Variants in FZD3 observed in about 807,000 individuals in gnomAD.
The protein encoded by FZD3 is frizzled class receptor 3.
FZD3 carries 30 observed loss-of-function variants against 60.7 expected under a neutral mutation model. The observed-to-expected ratio is 0.49, with a 90% CI of 0.37 to 0.67. FZD3 has a LOEUF of 0.67. Ranked by LOEUF, FZD3 falls within the 30% of genes least tolerant of loss-of-function variation. The pLI, the probability that FZD3 is intolerant of heterozygous loss-of-function variation, is 0.00. For synonymous variants in FZD3, 246 were observed against 275.2 expected, an observed-to-expected ratio of 0.89 and a Z score of 1.05; for missense variants, 605 against 838.7, an observed-to-expected ratio of 0.72 and a Z score of 3.44.
At chr8:28,516,817 G>C (rs879630388) in intron 3 of FZD3, among the ~76,000 whole-genome samples, 1 of 151,212 alleles carries the variant, frequency 6.6e-6, no homozygotes, top group Non-Finnish European at 1.5e-5. Flanking sequence ...TTTCCTCTCT[G>C]TTACTTTGTT....
chr8:28,568,352 C>A lies in FZD3; in HGVS notation c.*5341C>A, dbSNP rs968817761. On this transcript the variant is annotated 3_prime_UTR_variant, in exon 8 of 8. Coordinates refer to ENST00000240093, the MANE Select transcript of FZD3 (RefSeq NM_017412.4). ...ATTGGCATCTCTTCATAATTTAATTCTCTTCTCTCCTTCTTTTGTTCCGAT... is the reference window on the plus strand; with the variant it reads ...ATTGGCATCTCTTCATAATTTAATTATCTTCTCTCCTTCTTTTGTTCCGAT... 6.6e-6 allele frequency: 1 copy of A among 152,056 alleles called. No individual in the cohort carries two copies. Among genetic ancestry groups the A allele is most frequent in the Non-Finnish European group, 1.5e-5 (1 of 67,976 alleles). 9.4% of individuals were successfully genotyped at this position (152,056 alleles called of 1,614,324 possible).
intron 5 of FZD3, chr8:28,530,655 T>A (rs2130386487): frequency 6.6e-6 from 1 of 152,258 alleles, no homozygotes; most frequent in South Asian, 2.1e-4. Flanking sequence ...TTTAAAGAAG[T>A]CATAGATTTA....
At chr8:28,509,844 T>G (rs1288667444) in intron 3 of FZD3, among the ~76,000 whole-genome samples, 1 of 152,246 alleles carries the variant, frequency 6.6e-6, no homozygotes, top group African/African-American at 2.4e-5. Flanking sequence ...TATCCATCAG[T>G]GGACACTTGG....
At chr8:28,554,709 G>A (rs1178611162) in intron 6 of FZD3, among the ~76,000 whole-genome samples, 1 of 151,942 alleles carries the variant, frequency 6.6e-6, no homozygotes, top group African/African-American at 2.4e-5. Context: ...GGATTCAAAG[G>A]AGAATATATA....
In FZD3 at chr8:28,527,094, G is replaced by A. The variant is rs923944687; in HGVS notation, c.387-53G>A. 38 of 1,451,774 alleles carry A rather than the reference G, an allele frequency of 2.6e-5. No homozygotes were observed. The highest frequency in any genetic ancestry group is 5.7e-5 in the African/African-American group (4 of 70,570). 89.9% of individuals were successfully genotyped at this position (1,451,774 alleles called of 1,614,324 possible). ...ATTTGGAAATCCAAACTGTTAGATC[G>A]TGATAGATTTCCCCATAAGTAAAAA... On this transcript the variant is annotated intron_variant, in intron 4 of 7. Coordinates refer to ENST00000240093, the MANE Select transcript of FZD3 (RefSeq NM_017412.4). The surrounding 1 kb of genome is among the most constrained non-coding windows in gnomAD (Gnocchi z 5.0).
At chr8:28,562,724 T>G (rs1244804774) in intron 7 of FZD3, 74 bp from the exon 8 acceptor site, 3 of 924,700 alleles carry the variant, frequency 3.2e-6, no homozygotes, top group Non-Finnish European at 5.1e-6. Context: ...TGAGGCATTT[T>G]TATGAAAATT....
intron 6 of FZD3, among the ~76,000 whole-genome samples, chr8:28,555,344 A>G (rs914311224): frequency 2.0e-5 from 3 of 152,194 alleles, no homozygotes; most frequent in Non-Finnish European, 4.4e-5. Flanking sequence ...ATAATATTTC[A>G]GTGTCTTGAG....
intron 7 of FZD3, among the ~76,000 whole-genome samples, chr8:28,562,141 G>A (rs766421579): frequency 3.9e-5 from 6 of 152,180 alleles, no homozygotes; most frequent in Non-Finnish European, 8.8e-5. Context: ...GTGTTAGGAT[G>A]TAACTTCCAA....
In FZD3 at chr8:28,522,767, C is replaced by CTTTTTT. The variant is rs35662589; in HGVS notation, c.386+1949_386+1954dup. Among the ~76,000 whole-genome samples, 103 of 96,844 alleles carry CTTTTTT rather than the reference C, an allele frequency of 1.1e-3. 1 individual carries two copies. The highest frequency in any genetic ancestry group is 3.4e-3 in the African/African-American group (86 of 25,036). The allele number at this position is 96,844 out of a possible 152,430, so 63.5% of individuals were successfully genotyped here. ...CTTAAATTCTGAAAAAGGGAACTTT[C>CTTTTTT]TTTTTTTTTTTTTTTTTTTTTGAGA... On this transcript the variant is annotated intron_variant, in intron 4 of 7. Transcript: ENST00000240093.
At chr8:28,512,747 A>G (rs945359221) in intron 3 of FZD3, among the ~76,000 whole-genome samples, 1 of 152,156 alleles carries the variant, frequency 6.6e-6, no homozygotes, top group Non-Finnish European at 1.5e-5. Flanking sequence ...AGGTGATTCA[A>G]AGAGAGAATA....
intron 6 of FZD3, among the ~76,000 whole-genome samples, 173 bp downstream of exon 6, chr8:28,551,924 A>T (rs1284432885): frequency 1.3e-5 from 2 of 152,174 alleles, no homozygotes; most frequent in African/African-American, 4.8e-5. Flanking sequence ...AAAACTAAAA[A>T]CTTATTTTGA....
rs754710245 is a variant in FZD3, at chr8:28,528,082, A to G, written c.1322A>G (p.Tyr441Cys). 6.2e-7 allele frequency: 1 copy of G among 1,613,990 alleles called. No homozygotes were observed. The highest frequency in any genetic ancestry group is 8.5e-7 in the Non-Finnish European group (1 of 1,179,886). ...TTGGTTGTAATTGGATGCTACTTTTATGAGCAAGCTTACCGGGGCATCTGG... is the reference window on the plus strand; with the variant it reads ...TTGGTTGTAATTGGATGCTACTTTTGTGAGCAAGCTTACCGGGGCATCTGG... ...PLLVVIGCYF[Y>C]EQAYRGIWET... The change falls in exon 5 of 8, where the codon TAT (tyrosine) becomes TGT (cysteine). Residue 441 changes from tyrosine to cysteine, a missense_variant. Transcript: ENST00000240093.
rs566223891 is a variant in FZD3, at chr8:28,546,544, G to A, written c.1405-5059G>A. 5.3e-5 allele frequency among the ~76,000 whole-genome samples: 8 copies of A among 152,188 alleles called. No individual in the cohort carries two copies. The East Asian group carries it at 1.5e-3, about 29-fold the overall frequency. On this transcript the variant is annotated intron_variant, in intron 5 of 7. Coordinates refer to ENST00000240093, the MANE Select transcript of FZD3 (RefSeq NM_017412.4). Reference sequence around the variant, plus strand: ...TTATTTCTTTAGAATGTTATTTCTCGAAATAGAATTGCTAGGTTATACCAA... The same window carrying A: ...TTATTTCTTTAGAATGTTATTTCTCAAAATAGAATTGCTAGGTTATACCAA...
At chr8:28,548,373 G>A (rs1160468011) in intron 5 of FZD3, among the ~76,000 whole-genome samples, 8 of 151,420 alleles carry the variant, frequency 5.3e-5, no homozygotes, top group Non-Finnish European at 1.2e-4. Context: ...GTGCAGTGGC[G>A]CGATGCAGCC....
intron 3 of FZD3, among the ~76,000 whole-genome samples, chr8:28,507,374 G>A (rs927330908): frequency 1.3e-5 from 2 of 152,250 alleles, no homozygotes. Flanking sequence ...AACAGGCACT[G>A]TAGAGGCTTG....
chr8:28,524,619 C>CT (rs1291435252), intron 4 of FZD3, among the ~76,000 whole-genome samples: 2 of 152,174 alleles, frequency 1.3e-5, no homozygotes, highest in African/African-American at 2.4e-5. Context: ...GGATCCTCCT[C>CT]TTTTTTCTGC....
intron 7 of FZD3, among the ~76,000 whole-genome samples, chr8:28,557,334 C>G (rs577338695): frequency 9.3e-5 from 14 of 151,066 alleles, no homozygotes; most frequent in Admixed American, 4.0e-4. Context: ...TTTTGGGAAA[C>G]TGAAAGAATG....
intron 3 of FZD3, among the ~76,000 whole-genome samples, chr8:28,509,114 A>G (rs920729435): frequency 2.0e-5 from 3 of 152,108 alleles, no homozygotes; most frequent in Admixed American, 6.5e-5. Flanking sequence ...GTTAAACACA[A>G]TACACAGTTA....
At chr8:28,532,294 T>C (rs1804897568) in intron 5 of FZD3, among the ~76,000 whole-genome samples, 1 of 152,240 alleles carries the variant, frequency 6.6e-6, no homozygotes, top group Non-Finnish European at 1.5e-5. Context: ...GTCAGGATTT[T>C]CATTGAAATT....
Sources: allele counts gnomAD v4.1 joint callset (sites outside exome capture counted in the v4.1 genomes callset), GRCh38; gene constraint gnomAD v4.1.1; non-coding constraint Gnocchi (gnomAD v3.1); transcripts MANE v1.5; gene names NCBI Gene and HGNC (gene_info 2026-07-23, HGNC 2026-07-21).